Variants in TSC2 observed in about 807,000 individuals in gnomAD.
TSC2 encodes the protein TSC complex subunit 2, also known as tuberin.
TSC2 carries 29 observed loss-of-function variants against 202.2 expected under a neutral mutation model. The observed-to-expected ratio is 0.14, with a 90% CI of 0.11 to 0.20. TSC2 has a LOEUF of 0.20. Ranked by LOEUF, TSC2 falls within the 10% of genes least tolerant of loss-of-function variation. TSC2 has a pLI of 1.00. For missense variants in TSC2, 2,429 were observed against 2,420.0 expected (o/e 1.00, Z -0.08); for synonymous variants, 1,349 against 1,044.0 (o/e 1.29, Z -5.63).
chr16:2,060,430 G>A (rs1411888309), intron 10 of TSC2, among the ~76,000 whole-genome samples: 2 of 152,240 alleles, frequency 1.3e-5, no homozygotes, highest in East Asian at 1.9e-4. Flanking sequence ...TTGCTGGTCT[G>A]TCCGAGTCAG....
chr16:2,074,963 C>G (rs537056461), intron 22 of TSC2: 65 of 170,570 alleles, frequency 3.8e-4, no homozygotes, highest in Middle Eastern at 3.1e-3. Flanking sequence ...GGCCTGTCAT[C>G]CCAGCACTGT....
At chr16:2,082,284 C>A in intron 31 of TSC2, 152 bp from the exon 32 acceptor site, 3 of 833,780 alleles carry the variant, frequency 3.6e-6, no homozygotes, top group South Asian at 2.8e-5. Context: ...TCTGCCCAAG[C>A]AGCTTGTAGC....
In TSC2 at chr16:2,088,259, C is replaced by A. The variant is rs753336580; in HGVS notation, c.5193C>A (p.Asn1731Lys). 2 of 1,600,744 alleles carry A rather than the reference C, an allele frequency of 1.2e-6. No individual in the cohort carries two copies. The highest frequency in any genetic ancestry group is 1.7e-6 in the Non-Finnish European group (2 of 1,175,558). Residue 1731 changes from asparagine (N) to lysine (K), a missense_variant, in exon 41 of 42, where the codon AAC becomes AAA. By Grantham distance (94) the Asn-to-Lys change is moderately conservative (BLOSUM62 0). Coordinates refer to ENST00000219476, the MANE Select transcript of TSC2 (RefSeq NM_000548.5). The part of the protein sequence containing the change: ...MASQVHHSRS[N>K]PTDIYPSKWI... ...CACAGGTGCATCATAGCCGCTCCAA[C>A]CCCACCGATATCTACCCCTCCAAGT...
At chr16:2,064,538 T>A in intron 15 of TSC2, 111 bp downstream of exon 15, 1 of 1,526,854 alleles carries the variant, frequency 6.5e-7, no homozygotes, top group Non-Finnish European at 8.9e-7. Context: ...GCTGTGTCCG[T>A]AGGTGAGGCT....
At chr16:2,085,064 G>A (rs2090596254) in intron 35 of TSC2, 38 bp downstream of exon 35, 1 of 1,612,034 alleles carries the variant, frequency 6.2e-7, no homozygotes. Flanking sequence ...CGCTGGAGCT[G>A]TGTGGCTCGG....
At position 2,072,944 on chromosome 16, in the gene TSC2, A is replaced by G. The variant is rs2088700038; in HGVS notation, c.2316A>G (p.Ala772=). The change falls in exon 21 of 42, where the codon GCA becomes GCG. Residue 772 remains alanine (A), a synonymous_variant. Coordinates refer to ENST00000219476, the MANE Select transcript of TSC2 (RefSeq NM_000548.5). ...TGGCCGTGGTTCCAGTGCTGACAGC[A>G]TTAATCTCTTACCATAACTACCTGG... The part of the protein sequence containing the change: ...LHLAVVPVLT[A]LISYHNYLDK... 2 of 1,613,588 alleles carry G rather than the reference A, an allele frequency of 1.2e-6. No homozygotes were observed. The highest frequency in any genetic ancestry group is 1.1e-5 in the South Asian group (1 of 91,090).
In TSC2 at chr16:2,074,629, C is replaced by T. The variant is rs9921591; in HGVS notation, c.2545+240C>T. ...ACGCTCCTCCTTGAAGAAGCCTCTT[C>T]CCCCCCGAGCAGTGGCCCTCCCCTG... On this transcript the variant is annotated intron_variant, in intron 22 of 41. Transcript: ENST00000219476. The T allele has an allele frequency of 0.019, 11,153 of 578,784 alleles. 976 individuals are homozygous for T. The highest frequency in any genetic ancestry group is 0.18 in the African/African-American group (9,839 of 53,740). The allele number at this position is 578,784 out of a possible 1,614,324, so 35.9% of individuals were successfully genotyped here.
rs1313028215 is a variant in TSC2 at position 2,083,050 on chromosome 16, G to C, written c.3883+546G>C. The C allele has an allele frequency of 2.0e-5, 9 of 452,022 alleles. No individual in the cohort carries two copies. The East Asian group carries it at 4.9e-4, about 24-fold the overall frequency. 28.0% of individuals were successfully genotyped at this position (452,022 alleles called of 1,614,324 possible). On this transcript the variant is annotated intron_variant, in intron 32 of 41. Transcript: ENST00000219476. ...TCTCCACGTGCAGACGAGCTGGTTT[G>C]GAAGGGCTGCGTGGGACGGGCCCTG...
chr16:2,081,482 G>A lies in TSC2; in HGVS notation c.3611-113G>A, dbSNP rs938077519. ...CTCCGACATCGTGGTCCTGAGGATT[G>A]TGGGAGGGAGCATGAGGGCAAAACC... is the stretch of plus-strand genomic sequence containing the variant. On this transcript the variant is annotated intron_variant, in intron 30 of 41. Coordinates refer to ENST00000219476, the MANE Select transcript of TSC2 (RefSeq NM_000548.5). 11 of 1,338,586 alleles carry A rather than the reference G, an allele frequency of 8.2e-6. No individual in the cohort carries two copies. In the African/African-American group the frequency reaches 1.2e-4, roughly 14 times the overall value. 82.9% of individuals were successfully genotyped at this position (1,338,586 alleles called of 1,614,324 possible).
At chr16:2,049,118 C>T (rs990582840) in intron 2 of TSC2, among the ~76,000 whole-genome samples, 1 of 151,832 alleles carries the variant, frequency 6.6e-6, no homozygotes, top group Non-Finnish European at 1.5e-5. Context: ...CTGAGTCTTG[C>T]TCTGTTGCCT....
intron 26 of TSC2, 102 bp downstream of exon 26, chr16:2,077,828 C>T (rs1400168858): frequency 1.9e-5 from 30 of 1,573,698 alleles, no homozygotes; most frequent in South Asian, 5.6e-5. Context: ...ATCGTCTGCC[C>T]GTGTCCTCCC....
intron 38 of TSC2, 130 bp downstream of exon 38, chr16:2,087,001 C>G: frequency 1.4e-6 from 2 of 1,391,358 alleles, no homozygotes; most frequent in African/African-American, 2.9e-5. Flanking sequence ...GTGCTCAGGG[C>G]CCCGTGGGCA....
chr16:2,061,262 T>A (rs1282866144), intron 11 of TSC2: 2 of 301,134 alleles, frequency 6.6e-6, no homozygotes, highest in African/African-American at 4.3e-5. Context: ...GCGAGGCTAG[T>A]ATCCAGCAGC....
At chr16:2,082,613 C>T in intron 32 of TSC2, 109 bp downstream of exon 32, 1 of 1,271,506 alleles carries the variant, frequency 7.9e-7, no homozygotes, top group Non-Finnish European at 1.1e-6. Context: ...GCCTCCATTG[C>T]CCTGGGGAGC....
At position 2,080,486 on chromosome 16, in the gene TSC2, C is replaced by T. The variant is rs1596391670; in HGVS notation, c.3610+109C>T. On this transcript the variant is annotated intron_variant, in intron 30 of 41. Coordinates refer to ENST00000219476, the MANE Select transcript of TSC2 (RefSeq NM_000548.5). ...GCCCTCTTGGGATATTTGGGGGTAA[C>T]TTTTGTTTTTTTTTTGAGACAGAGT... The T allele has an allele frequency of 3.0e-6, 4 of 1,339,370 alleles. No individual in the cohort carries two copies. The East Asian group carries it at 9.8e-5, about 33-fold the overall frequency. The allele number at this position is 1,339,370 out of a possible 1,614,324, so 83.0% of individuals were successfully genotyped here.
chr16:2,048,032 C>T lies in TSC2; in HGVS notation c.-63C>T, dbSNP rs1202748848. ...CAGGGGGGTGCGCCTTTCTCCGCGT[C>T]GGGGCGGCCCGGAGCGCGGTGGCGC... On this transcript the variant is annotated 5_prime_UTR_variant, in exon 1 of 42. Transcript: ENST00000219476. The T allele has an allele frequency of 7.7e-6, 11 of 1,431,600 alleles. No individual in the cohort carries two copies. Among genetic ancestry groups the T allele is most frequent in the Non-Finnish European group, 8.2e-6 (9 of 1,099,902 alleles). The allele number at this position is 1,431,600 out of a possible 1,614,324, so 88.7% of individuals were successfully genotyped here. A position where few individuals can be genotyped will look rare whatever the true frequency, so the allele number is the denominator to read the frequency against.
rs377123510 is a variant in TSC2 at position 2,084,316 on chromosome 16, C to T, written c.4094C>T (p.Ser1365Leu). 1.2e-4 allele frequency: 198 copies of T among 1,612,574 alleles called. No homozygotes were observed. Among genetic ancestry groups the T allele is most frequent in the East Asian group, 4.7e-4 (21 of 44,890 alleles). The change falls in exon 34 of 42, where the codon TCG becomes TTG. Residue 1365 changes from serine to leucine, a missense_variant. Transcript: ENST00000219476. ...ATCCCCATCGAGCGAGTCGTCTCCT[C>T]GGAGGGTGGCCGGCCCTCTGTGGAC... ...RGIPIERVVS[S>L]EGGRPSVDLS... is the part of the protein sequence containing the mutation.
In TSC2 at chr16:2,089,161, G is replaced by A. The variant is rs774922931; in HGVS notation, c.*551G>A. Reference sequence around the variant, plus strand: ...CAAGCAGCAGCCGGGCTGCCATAACGCCACCACACCTACCAAGCGCAGCAG... The same window carrying A: ...CAAGCAGCAGCCGGGCTGCCATAACACCACCACACCTACCAAGCGCAGCAG... On this transcript the variant is annotated 3_prime_UTR_variant, in exon 42 of 42. Transcript: ENST00000219476. The A allele has an allele frequency of 2.9e-4, 49 of 170,882 alleles. No individual in the cohort carries two copies. Among genetic ancestry groups the A allele is most frequent in the African/African-American group, 8.8e-4 (37 of 41,886 alleles). 10.6% of individuals were successfully genotyped at this position (170,882 alleles called of 1,614,324 possible). A position where few individuals can be genotyped will look rare whatever the true frequency, so the allele number is the denominator to read the frequency against.
rs1031918517 is a variant in TSC2, at chr16:2,079,321, C to T, written c.3177C>T (p.Thr1059=). 6.2e-7 allele frequency: 1 copy of T among 1,613,092 alleles called. No homozygotes were observed. ...TCCTAGCGGGTGGCAGGACCAAAAC[C>T]TGGCTGGTTGGGAACAAGCTTGTCA... ...EFLLAGGRTK[T]WLVGNKLVTV... The change falls in exon 28 of 42, where the codon ACC becomes ACT. Residue 1059 remains threonine, a synonymous_variant. Coordinates refer to ENST00000219476, the MANE Select transcript of TSC2 (RefSeq NM_000548.5). This position sits in a 1 kb window ranked among gnomAD's most constrained non-coding sequence, Gnocchi z 4.6.
Sources: allele counts gnomAD v4.1 joint callset (sites outside exome capture counted in the v4.1 genomes callset), GRCh38; gene constraint gnomAD v4.1.1; non-coding constraint Gnocchi (gnomAD v3.1); transcripts MANE v1.5; gene names NCBI Gene and HGNC (gene_info 2026-07-23, HGNC 2026-07-21).